The following SLC26A7 variants were observed in gnomAD, a reference collection of about 807,000 sequenced individuals.
The protein encoded by SLC26A7 is solute carrier family 26 member 7.
A neutral mutation model predicts 82.5 loss-of-function variants in SLC26A7; 59 were observed. The observed-to-expected ratio is 0.72, with a 90% CI of 0.58 to 0.89. SLC26A7 has a LOEUF of 0.89. SLC26A7 is among the 40% of genes least tolerant of loss of function. The pLI is 0.00. For synonymous variants in SLC26A7, 271 were observed against 274.3 expected, an observed-to-expected ratio of 0.99 and a Z score of 0.12; for missense variants, 820 against 793.0, an observed-to-expected ratio of 1.03 and a Z score of -0.41.
At chr8:91,392,598 C>A (rs1012733194) in intron 16 of SLC26A7, among the ~76,000 whole-genome samples, 1 of 152,164 alleles carries the variant, frequency 6.6e-6, no homozygotes, top group African/African-American at 2.4e-5. Context: ...GAGTAAACAG[C>A]CACAAGGACT....
chr8:91,240,956 C>T (rs1810464865), intron 2 of SLC26A7, among the ~76,000 whole-genome samples: 1 of 151,940 alleles, frequency 6.6e-6, no homozygotes, highest in Non-Finnish European at 1.5e-5. Flanking sequence ...CCCAGAAGAG[C>T]CTCACTGGCA....
chr8:91,339,998 T>C (rs999781533), intron 7 of SLC26A7, among the ~76,000 whole-genome samples: 1 of 152,160 alleles, frequency 6.6e-6, no homozygotes, highest in Non-Finnish European at 1.5e-5. Flanking sequence ...AGTAAACCAG[T>C]GTTTGCATAC....
chr8:91,295,396 G>A lies in SLC26A7; in HGVS notation c.305-135G>A. 3.3e-6 allele frequency: 3 copies of A among 918,068 alleles called. No individual in the cohort carries two copies. In the South Asian group the frequency reaches 6.0e-5, roughly 18 times the overall value. 56.9% of individuals were successfully genotyped at this position (918,068 alleles called of 1,614,324 possible). On this transcript the variant is annotated intron_variant, in intron 3 of 18. Coordinates refer to ENST00000276609, the MANE Select transcript of SLC26A7 (RefSeq NM_052832.4). ...AGAGAGGTGAAGAGTGGAGAAGCAA[G>A]GCCACAGAGGAGGGGACAGTGTTTC...
intron 9 of SLC26A7, chr8:91,348,429 A>G (rs2130851913): frequency 1.2e-6 from 1 of 845,234 alleles, no homozygotes; most frequent in East Asian, 1.2e-4. Context: ...ATGTATGGTC[A>G]TCTTTGTAAC....
At chr8:91,333,698 C>T (rs566910311) in intron 5 of SLC26A7, among the ~76,000 whole-genome samples, 1 of 152,284 alleles carries the variant, frequency 6.6e-6, no homozygotes, top group East Asian at 1.9e-4. Flanking sequence ...ACCATGAGCT[C>T]TGTGAATACT....
chr8:91,295,682 C>T lies in SLC26A7; in HGVS notation c.456C>T (p.Ser152=). 1 of 1,613,944 alleles carries T rather than the reference C, an allele frequency of 6.2e-7. No homozygotes were observed. Among genetic ancestry groups the T allele is most frequent in the Non-Finnish European group, 8.5e-7 (1 of 1,179,902 alleles). ...GGATCCACGTTGCTGCAGCAGTTTCCTTCTTGGGAGGTGTGATTCAGGTAA... is the reference window on the plus strand; with the variant it reads ...GGATCCACGTTGCTGCAGCAGTTTCTTTCTTGGGAGGTGTGATTCAGGTAA... The part of the protein sequence containing the change: ...MQRIHVAAAV[S]FLGGVIQVAM... Residue 152 remains serine, a synonymous_variant, in exon 4 of 19, where the codon TCC becomes TCT. Coordinates refer to ENST00000276609, the MANE Select transcript of SLC26A7 (RefSeq NM_052832.4).
At chr8:91,247,743 G>A (rs987945053), upstream of SLC26A7, among the ~76,000 whole-genome samples, 5 of 152,054 alleles carry the variant, frequency 3.3e-5, no homozygotes, top group Admixed American at 1.3e-4. Flanking sequence ...TGAATTTTTT[G>A]TTATGGAATT....
chr8:91,378,437 T>C (rs1814578937), intron 15 of SLC26A7, among the ~76,000 whole-genome samples: 2 of 147,280 alleles, frequency 1.4e-5, no homozygotes, highest in African/African-American at 4.9e-5. Context: ...TTATATATAA[T>C]ATAAAGTATA....
At chr8:91,210,230 T>G (rs1809883890) in intron 1 of SLC26A7, among the ~76,000 whole-genome samples, 1 of 152,218 alleles carries the variant, frequency 6.6e-6, no homozygotes, top group Non-Finnish European at 1.5e-5. Flanking sequence ...TTAAGTAGTT[T>G]GTTCACAAAT....
chr8:91,316,988 TAAAAAAAAAAAAAAAAAAA>T (rs61581659), intron 4 of SLC26A7, among the ~76,000 whole-genome samples: 2,406 of 15,924 alleles, frequency 0.15, 166 homozygotes, highest in African/African-American at 0.32. Flanking sequence ...ACCCTGTCTC[TAAAAAAAAAAAAAAAAAAA>T]AAAAAAAAAA....
At chr8:91,279,145 ATATATATATATATATATATATG>A (rs1370226549) in intron 2 of SLC26A7, among the ~76,000 whole-genome samples, 3 of 110,078 alleles carry the variant, frequency 2.7e-5, no homozygotes, top group African/African-American at 1.2e-4. Flanking sequence ...ATATATATAT[ATATATATATATATATATATATG>A]TATCACATTT....
At chr8:91,324,033 G>T (rs545804975) in intron 5 of SLC26A7, among the ~76,000 whole-genome samples, 1 of 152,070 alleles carries the variant, frequency 6.6e-6, no homozygotes, top group South Asian at 2.1e-4. Context: ...TGCCTTATCA[G>T]CCAGGCTGGT....
intron 4 of SLC26A7, among the ~76,000 whole-genome samples, chr8:91,296,886 G>A (rs1052366843): frequency 2.0e-5 from 3 of 152,134 alleles, no homozygotes; most frequent in African/African-American, 7.2e-5. Flanking sequence ...AGGCTTAGTG[G>A]CTTTTCCTCC....
At chr8:91,344,928 T>C (rs1813519106) in intron 9 of SLC26A7, among the ~76,000 whole-genome samples, 4 of 151,990 alleles carry the variant, frequency 2.6e-5, no homozygotes, top group Admixed American at 2.6e-4. Flanking sequence ...TAGGATCCTA[T>C]AGCAGTTTTT....
chr8:91,236,170 A>C (rs1004773204), intron 2 of SLC26A7, among the ~76,000 whole-genome samples: 9 of 152,240 alleles, frequency 5.9e-5, no homozygotes, highest in Admixed American at 5.9e-4. Context: ...TTCCAAAAGA[A>C]AAGCATAGAT....
chr8:91,344,122 G>T, intron 9 of SLC26A7: 1 of 985,334 alleles, frequency 1.0e-6, no homozygotes, highest in Non-Finnish European at 1.2e-6. Context: ...GCCAGGCATT[G>T]GCTGTCATAC....
At chr8:91,373,926 T>C (rs1814436126) in intron 15 of SLC26A7, among the ~76,000 whole-genome samples, 1 of 151,926 alleles carries the variant, frequency 6.6e-6, no homozygotes, top group African/African-American at 2.4e-5. Flanking sequence ...CTGATTAGGA[T>C]TTCAATGTCT....
intron 2 of SLC26A7, among the ~76,000 whole-genome samples, chr8:91,279,078 C>A (rs1303380093): frequency 6.9e-6 from 1 of 144,524 alleles, no homozygotes; most frequent in African/African-American, 2.6e-5. Context: ...TGATAGGATC[C>A]CCTTATTTTA....
chr8:91,309,733 A>C (rs995189752), intron 4 of SLC26A7, among the ~76,000 whole-genome samples: 3 of 152,026 alleles, frequency 2.0e-5, no homozygotes, highest in African/African-American at 7.2e-5. Flanking sequence ...CAAGTGCACT[A>C]TTTGACCTTT....
Sources: gnomAD v4.1 joint callset for allele counts (sites outside exome capture counted in the v4.1 genomes callset) on GRCh38, gnomAD v4.1.1 for gene constraint, MANE v1.5 for transcripts, NCBI Gene and HGNC (gene_info 2026-07-23, HGNC 2026-07-21) for gene names.